LATS2: variants seen among roughly 807,000 people sequenced by gnomAD.
LATS2 encodes the protein serine/threonine-protein kinase LATS2.
LATS2 carries 24 observed loss-of-function variants against 76.0 expected under a neutral mutation model. The observed-to-expected ratio is 0.32, with a 90% CI of 0.23 to 0.44. LATS2 has a LOEUF of 0.44. Ranked by LOEUF, LATS2 falls within the 20% of genes least tolerant of loss-of-function variation. The pLI is 1.00. For missense variants in LATS2, 1,286 were observed against 1,481.2 expected (o/e 0.87, Z 2.16); for synonymous variants, 692 against 635.4 (o/e 1.09, Z -1.34).
chr13:20,982,500 G>A (rs1335451593), intron 5 of LATS2, among the ~76,000 whole-genome samples: 5 of 152,190 alleles, frequency 3.3e-5, no homozygotes, highest in East Asian at 2.0e-4. Flanking sequence ...TAGTAGAGAC[G>A]GGGTTTCTCC....
chr13:21,021,987 A>AT (rs1007884044), intron 2 of LATS2, among the ~76,000 whole-genome samples: 24 of 150,444 alleles, frequency 1.6e-4, no homozygotes, highest in African/African-American at 2.2e-4. Flanking sequence ...AGAGGAGCTG[A>AT]TTTTTTTTTT....
At chr13:21,002,889 A>G (rs1375761014) in intron 2 of LATS2, among the ~76,000 whole-genome samples, 1 of 151,982 alleles carries the variant, frequency 6.6e-6, no homozygotes, top group Non-Finnish European at 1.5e-5. Context: ...ATTTTTAGAG[A>G]AAGGGTCCCA....
rs1442338961 is a variant in LATS2 at position 20,988,605 on chromosome 13, G to A, written c.1175C>T (p.Ala392Val). Residue 392 changes from alanine to valine, a missense_variant, in exon 4 of 8, where the codon GCG becomes GTG. Physicochemically the swap from Ala to Val is moderately conservative, Grantham distance 64 (BLOSUM62 0). Transcript: ENST00000382592. ...QKPGLEAPPR[A>V]HVAFRPDCPV... ...GCAGTCAGGCCGGAAGGCCACGTGC[G>A]CGCGCGGCGGCGCCTCCAGGCCCGG... The A allele has an allele frequency of 2.5e-6, 4 of 1,588,144 alleles. No individual in the cohort carries two copies. Among genetic ancestry groups the A allele is most frequent in the African/African-American group, 1.3e-5 (1 of 74,262 alleles).
At chr13:21,033,150 G>A (rs1246337589) in intron 2 of LATS2, among the ~76,000 whole-genome samples, 1 of 151,954 alleles carries the variant, frequency 6.6e-6, no homozygotes, top group African/African-American at 2.4e-5. Context: ...GGCCACCGGA[G>A]AAAGTACTCA....
intron 2 of LATS2, among the ~76,000 whole-genome samples, chr13:20,999,820 C>G (rs1870959444): frequency 6.7e-6 from 1 of 148,738 alleles, no homozygotes; most frequent in African/African-American, 2.5e-5. Context: ...GATCACGAGA[C>G]CAGCCTGGAC....
intron 2 of LATS2, among the ~76,000 whole-genome samples, chr13:21,037,470 G>A (rs562212349): frequency 6.9e-5 from 8 of 116,476 alleles, no homozygotes; most frequent in East Asian, 5.8e-4. Flanking sequence ...TGTTTATGAC[G>A]TAATGCTTGT....
intron 2 of LATS2, among the ~76,000 whole-genome samples, chr13:21,010,411 C>T (rs1871545436): frequency 2.6e-5 from 4 of 152,048 alleles, no homozygotes; most frequent in Admixed American, 1.3e-4. Flanking sequence ...ACAGCAAAGC[C>T]CCCACTCTAC....
chr13:21,054,430 A>C (rs1389983074), intron 1 of LATS2, among the ~76,000 whole-genome samples: 1 of 152,182 alleles, frequency 6.6e-6, no homozygotes, highest in Non-Finnish European at 1.5e-5. Context: ...AATTTAAATA[A>C]ATAAATAAAC....
chr13:20,989,381 A>G lies in LATS2; in HGVS notation c.476-77T>C, dbSNP rs1223769189. On this transcript the variant is annotated intron_variant, in intron 3 of 7. Coordinates refer to ENST00000382592, the MANE Select transcript of LATS2 (RefSeq NM_014572.3). The stretch of plus-strand genomic sequence containing the variant: ...TTCTGGCACTTCCAGGCTGGTCCCC[A>G]CTCTAGCGCTGCCCTCGGGGCTGAG... 3 of 1,484,806 alleles carry G rather than the reference A, an allele frequency of 2.0e-6. No individual in the cohort carries two copies. The African/African-American group carries it at 4.1e-5, about 20-fold the overall frequency. The allele number at this position is 1,484,806 out of a possible 1,614,324, so 92.0% of individuals were successfully genotyped here.
intron 1 of LATS2, among the ~76,000 whole-genome samples, chr13:21,055,725 G>C (rs573271634): frequency 2.1e-4 from 32 of 152,300 alleles, no homozygotes; most frequent in African/African-American, 7.5e-4. Flanking sequence ...TGGGACCTGC[G>C]CTAATGACAC....
At chr13:20,987,378 C>T (rs2138283253) in intron 4 of LATS2, among the ~76,000 whole-genome samples, 1 of 152,152 alleles carries the variant, frequency 6.6e-6, no homozygotes, top group Non-Finnish European at 1.5e-5. Flanking sequence ...TCAATAATTA[C>T]CTTCTTCAGC....
At position 20,983,762 on chromosome 13, in the gene LATS2, G is replaced by C; in HGVS notation, c.1944C>G (p.Leu648=). The C allele has an allele frequency of 1.2e-6, 2 of 1,613,874 alleles. No homozygotes were observed. The highest frequency in any genetic ancestry group is 1.7e-6 in the Non-Finnish European group (2 of 1,180,014). ...TGTTGTAATTAGACTCTTTCTGGTAGAGGATCTTCCGCATCTGCTCCTGCT... is the reference window on the plus strand; with the variant it reads ...TGTTGTAATTAGACTCTTTCTGGTACAGGATCTTCCGCATCTGCTCCTGCT... ...EAEQEQMRKI[L]YQKESNYNRL... The change falls in exon 5 of 8, where the codon CTC becomes CTG. Residue 648 remains leucine (L), a synonymous_variant. Coordinates refer to ENST00000382592, the MANE Select transcript of LATS2 (RefSeq NM_014572.3).
chr13:21,023,646 T>TAAAAAAAAAAA (rs1169391710), intron 2 of LATS2, among the ~76,000 whole-genome samples: 3 of 70,076 alleles, frequency 4.3e-5, no homozygotes, highest in African/African-American at 2.2e-4. Context: ...TGACTGGCTT[T>TAAAAAAAAAAA]AAAAAAAAAA....
At chr13:20,999,280 A>T (rs2077442352) in intron 2 of LATS2, among the ~76,000 whole-genome samples, 1 of 152,216 alleles carries the variant, frequency 6.6e-6, no homozygotes, top group Non-Finnish European at 1.5e-5. Context: ...CAGGCCCCCG[A>T]ACCTTGGTAA....
At chr13:20,976,910 G>A (rs1006786875) in intron 7 of LATS2, among the ~76,000 whole-genome samples, 4 of 152,090 alleles carry the variant, frequency 2.6e-5, no homozygotes, top group Non-Finnish European at 5.9e-5. Flanking sequence ...AACACAGAAC[G>A]ACCATATAAT....
rs140201283 is a variant in LATS2 at position 20,984,056 on chromosome 13, G to C, written c.1900-250C>G. On this transcript the variant is annotated intron_variant, in intron 4 of 7. Coordinates refer to ENST00000382592, the MANE Select transcript of LATS2 (RefSeq NM_014572.3). ...AGCGATTCTGCTGTCTCAGCCTCCCGAGTAGCTGGGACTACATGTGCCCGC... is the reference window on the plus strand; with the variant it reads ...AGCGATTCTGCTGTCTCAGCCTCCCCAGTAGCTGGGACTACATGTGCCCGC... Among the ~76,000 whole-genome samples the C allele has an allele frequency of 2.6e-5, 4 of 152,048 alleles. 1 individual carries two copies. In the South Asian group the frequency reaches 8.3e-4, roughly 32 times the overall value.
In LATS2 at chr13:20,980,323, G is replaced by A. The variant is rs978968666; in HGVS notation, c.2666-526C>T. On this transcript the variant is annotated intron_variant, in intron 6 of 7. Coordinates refer to ENST00000382592, the MANE Select transcript of LATS2 (RefSeq NM_014572.3). ...CTACGGAGCCGGGCCTTCCTCACGG[G>A]GCTCCCAGCTGTGCTGGGTCAGGGC... is the stretch of plus-strand genomic sequence containing the variant. Among the ~76,000 whole-genome samples the A allele has an allele frequency of 2.6e-5, 4 of 152,294 alleles. No homozygotes were observed. In the East Asian group the frequency reaches 7.7e-4, roughly 29 times the overall value.
chr13:21,012,559 C>CACT (rs1371929271), intron 2 of LATS2, among the ~76,000 whole-genome samples: 9 of 152,224 alleles, frequency 5.9e-5, no homozygotes, highest in African/African-American at 2.2e-4. Flanking sequence ...GTGTTTCATT[C>CACT]ACTAGGACCT....
chr13:21,007,863 G>A (rs1220222309), intron 2 of LATS2, among the ~76,000 whole-genome samples: 7 of 138,002 alleles, frequency 5.1e-5, no homozygotes, highest in East Asian at 2.1e-4. Context: ...CGGTTCAAGC[G>A]ATCCTCCTGC....
Sources: gnomAD v4.1 joint callset for allele counts (sites outside exome capture counted in the v4.1 genomes callset) on GRCh38, gnomAD v4.1.1 for gene constraint, MANE v1.5 for transcripts, NCBI Gene and HGNC (gene_info 2026-07-23, HGNC 2026-07-21) for gene names.